TGM5: variants seen among roughly 807,000 people sequenced by gnomAD.
The protein encoded by TGM5 is protein-glutamine gamma-glutamyltransferase 5.
A neutral mutation model predicts 77.2 loss-of-function variants in TGM5; 69 were observed. The ratio of observed to expected loss-of-function variants is 0.89; its 90% CI spans 0.74 to 1.09. TGM5 has a LOEUF of 1.09. Among genes scored for constraint, TGM5 ranks in the 50% least tolerant of loss-of-function variants. The pLI, the probability that TGM5 is intolerant of heterozygous loss-of-function variation, is 0.00. For missense variants in TGM5, 842 were observed against 896.5 expected (o/e 0.94, Z 0.78); for synonymous variants, 346 against 351.8 (o/e 0.98, Z 0.18).
chr15:43,233,828 G>T, intron 11 of TGM5, 141 bp from the exon 12 acceptor site: 1 of 1,008,332 alleles, frequency 9.9e-7, no homozygotes. Flanking sequence ...TTGAGCCGAA[G>T]ACAATTGAGA....
rs890737545 is a variant in TGM5, at chr15:43,260,811, C to T, written c.11-232G>A. On this transcript the variant is annotated intron_variant, in intron 1 of 12. Coordinates refer to ENST00000220420, the MANE Select transcript of TGM5 (RefSeq NM_201631.4). ...TTTCCTTCCTCTCCTATCTCTCTGA[C>T]CCTCTATCTTCTTCTCCCTTACACC... 1.3e-5 allele frequency: 8 copies of T among 610,944 alleles called. No homozygotes were observed. In the Admixed American group the frequency reaches 1.7e-4, roughly 13 times the overall value. 37.8% of individuals were successfully genotyped at this position (610,944 alleles called of 1,614,324 possible).
chr15:43,249,133 G>C (rs183693593), intron 6 of TGM5, among the ~76,000 whole-genome samples: 318 of 152,122 alleles, frequency 2.1e-3, no homozygotes, highest in African/African-American at 7.4e-3. Flanking sequence ...ACCTGCTTAC[G>C]GTCACACATT....
rs2042586404 is a variant in TGM5, at chr15:43,235,829, G to A, written c.1354C>T (p.Gln452Ter). 6.2e-7 allele frequency: 1 copy of A among 1,613,892 alleles called. No homozygotes were observed. Among genetic ancestry groups the A allele is most frequent in the Non-Finnish European group, 8.5e-7 (1 of 1,180,016 alleles). The part of the protein sequence containing the change: ...ENYKYEEGSL[Q>*]ERQVFLKALQ... ...GCCTTCAGAAACACCTGCCTCTCCT[G>A]GAGGGATCCTGAAGTTGGGGAGAGC... The change falls in exon 10 of 13, where the codon CAG becomes TAG. Residue 452 changes from glutamine (Q) to a stop codon, truncating the protein, a stop_gained. Coordinates refer to ENST00000220420, the MANE Select transcript of TGM5 (RefSeq NM_201631.4). LOFTEE classifies it high-confidence loss of function.
At chr15:43,241,134 G>A in intron 6 of TGM5, 144 bp from the exon 7 acceptor site, 2 of 1,094,848 alleles carry the variant, frequency 1.8e-6, no homozygotes, top group Non-Finnish European at 2.7e-6. Context: ...CTGGAATAGT[G>A]ATATTTCCAA....
intron 2 of TGM5, 25 bp downstream of exon 2, chr15:43,260,375 C>T: frequency 6.2e-7 from 1 of 1,614,190 alleles, no homozygotes; most frequent in Non-Finnish European, 8.5e-7. Flanking sequence ...ACACACAGCC[C>T]CTGTGAGCCA....
intron 1 of TGM5, among the ~76,000 whole-genome samples, chr15:43,265,019 G>A (rs529524392): frequency 8.6e-5 from 13 of 151,138 alleles, no homozygotes; most frequent in African/African-American, 3.1e-4. Flanking sequence ...CACCCTGTAC[G>A]TATTTCAGAT....
chr15:43,260,151 C>A lies in TGM5; in HGVS notation c.337G>T (p.Gly113Cys), dbSNP rs112292549. The change falls in exon 3 of 13, where the codon GGT becomes TGT. Residue 113 changes from glycine to cysteine, a missense_variant. By Grantham distance (159) the Gly-to-Cys change is radical. Coordinates refer to ENST00000220420, the MANE Select transcript of TGM5 (RefSeq NM_201631.4). Reference sequence around the variant, plus strand: ...ATGTGGATTTTCAAGAGGTACCGACCCACGGCCGCCGTGGGAGGAGCGCAC... The same window carrying A: ...ATGTGGATTTTCAAGAGGTACCGACACACGGCCGCCGTGGGAGGAGCGCAC... The part of the protein sequence containing the change: ...SLCAPPTAAV[G>C]RYLLKIHIDS... 2.8e-3 allele frequency: 4,550 copies of A among 1,614,140 alleles called. 14 individuals are homozygous for A. Among genetic ancestry groups the A allele is most frequent in the Non-Finnish European group, 3.3e-3 (3,945 of 1,180,028 alleles).
intron 1 of TGM5, among the ~76,000 whole-genome samples, chr15:43,264,274 G>A (rs1437702131): frequency 2.0e-5 from 3 of 152,014 alleles, no homozygotes; most frequent in Admixed American, 6.6e-5. Flanking sequence ...CTAACAATTC[G>A]ATCCCCAGGT....
In TGM5 at chr15:43,232,961, GA is replaced by G. The variant is rs1339600308; in HGVS notation, c.*229del. 6 of 574,896 alleles carry G rather than the reference GA, an allele frequency of 1.0e-5. No homozygotes were observed. In the Admixed American group the frequency reaches 1.5e-4, roughly 15 times the overall value. 35.6% of individuals were successfully genotyped at this position (574,896 alleles called of 1,614,324 possible). On this transcript the variant is annotated 3_prime_UTR_variant, in exon 13 of 13. Transcript: ENST00000220420. Reference sequence around the variant, plus strand: ...TTTGTTGAGTGCCTAGCATATGCCAGAAATGGTTCTGAGTATAGGGGTAGTA... The same window carrying G: ...TTTGTTGAGTGCCTAGCATATGCCAGAATGGTTCTGAGTATAGGGGTAGTA...
rs916808193 is a variant in TGM5, at chr15:43,232,664, T to C, written c.*527A>G. The C allele has an allele frequency of 1.2e-5, 2 of 165,824 alleles. No homozygotes were observed. Among genetic ancestry groups the C allele is most frequent in the Non-Finnish European group, 2.6e-5 (2 of 75,610 alleles). 10.3% of individuals were successfully genotyped at this position (165,824 alleles called of 1,614,324 possible). ...GCAACAACAAAACAACAGTGAGCTG[T>C]TCAGCCTGTCTTTTTCTTTCCTGGA... is the stretch of plus-strand genomic sequence containing the variant. On this transcript the variant is annotated 3_prime_UTR_variant, in exon 13 of 13. Transcript: ENST00000220420.
intron 6 of TGM5, among the ~76,000 whole-genome samples, chr15:43,252,422 A>T (rs915956944): frequency 2.0e-5 from 3 of 152,014 alleles, no homozygotes; most frequent in African/African-American, 7.3e-5. Flanking sequence ...GGTTCAAGCA[A>T]TTCTCCTGCC....
intron 1 of TGM5, among the ~76,000 whole-genome samples, chr15:43,261,361 T>C (rs1185862896): frequency 1.3e-5 from 2 of 152,148 alleles, no homozygotes; most frequent in Non-Finnish European, 2.9e-5. Context: ...AGTGCTGGGA[T>C]TACAGGCGTG....
chr15:43,261,993 T>G (rs1055965261), intron 1 of TGM5, among the ~76,000 whole-genome samples: 18 of 152,222 alleles, frequency 1.2e-4, no homozygotes, highest in African/African-American at 4.3e-4. Context: ...CTTAGCTTAT[T>G]CTTGCATTCT....
At position 43,233,635 on chromosome 15, in the gene TGM5, G is replaced by C. The variant is rs972936522; in HGVS notation, c.1928C>G (p.Ser643Ter). ...CTCAACCTGCTCCGAGAGGGGGTTT[G>C]AAAATATCACCTGTATGGAGAGTGG... ...NQPLSIQVIF[S>*]NPLSEQVEDC... The change falls in exon 12 of 13, where the codon TCA (serine) becomes TGA (stop). Residue 643 changes from serine to a stop codon, truncating the protein, a stop_gained. Coordinates refer to ENST00000220420, the MANE Select transcript of TGM5 (RefSeq NM_201631.4). LOFTEE classifies it high-confidence loss of function. 1.2e-6 allele frequency: 2 copies of C among 1,614,174 alleles called. No individual in the cohort carries two copies. The highest frequency in any genetic ancestry group is 1.7e-6 in the Non-Finnish European group (2 of 1,180,028).
rs368075847 is a variant in TGM5, at chr15:43,239,163, C to G, written c.1105G>C (p.Gly369Arg). The part of the protein sequence containing the change: ...LDATPQEMSN[G>R]VYCCGPASVR... The stretch of plus-strand genomic sequence containing the variant: ...CTGCCTTTCTTCTGGAGAGCCTCAC[C>G]GTTGCTCATCTCCTGAGGTGTGGCG... The change falls in exon 8 of 13, where the codon GGC becomes CGC. Residue 369 changes from glycine (G) to arginine (R), a missense_variant and splice_region_variant. Around this residue, in one of 2 missense-constraint regions of TGM5, gnomAD observed 815 missense variants for 844.6 expected, o/e 0.96. Coordinates refer to ENST00000220420, the MANE Select transcript of TGM5 (RefSeq NM_201631.4). The G allele has an allele frequency of 6.2e-7, 1 of 1,614,088 alleles. No individual in the cohort carries two copies. Among genetic ancestry groups the G allele is most frequent in the South Asian group, 1.1e-5 (1 of 91,086 alleles).
chr15:43,242,190 CAGCT>C (rs1157188075), intron 6 of TGM5, among the ~76,000 whole-genome samples: 2 of 152,360 alleles, frequency 1.3e-5, no homozygotes, highest in East Asian at 3.9e-4. Context: ...CAAGGTCACA[CAGCT>C]AGTAAGAGGC....
Position 43,234,949 on chromosome 15 carries a change from A to T in TGM5, c.1715-20T>A, listed in dbSNP as rs569666972. On this transcript the variant is annotated intron_variant, in intron 10 of 12. Coordinates refer to ENST00000220420, the MANE Select transcript of TGM5 (RefSeq NM_201631.4). ...TCTTTGCTAAAGAAAGAACACAAGG[A>T]TGGGGTGAGAGTAGCTGAGAAAATC... 5 of 1,613,254 alleles carry T rather than the reference A, an allele frequency of 3.1e-6. No individual in the cohort carries two copies. In the African/African-American group the frequency reaches 6.7e-5, roughly 22 times the overall value.
intron 10 of TGM5, 94 bp from the exon 11 acceptor site, chr15:43,235,023 G>T: frequency 1.3e-6 from 2 of 1,481,860 alleles, no homozygotes; most frequent in Non-Finnish European, 1.9e-6. Context: ...AGAAGAGAAA[G>T]TCAACAAGTA....
At chr15:43,240,054 A>G (rs944585500) in intron 7 of TGM5, among the ~76,000 whole-genome samples, 3 of 152,152 alleles carry the variant, frequency 2.0e-5, no homozygotes, top group Non-Finnish European at 4.4e-5. Context: ...TCGCCTCCCC[A>G]AGGTGGGAAG....
Sources: allele counts gnomAD v4.1 joint callset (sites outside exome capture counted in the v4.1 genomes callset), GRCh38; gene constraint gnomAD v4.1.1; regional missense constraint gnomAD v4.1.1; transcripts MANE v1.5; gene names NCBI Gene and HGNC (gene_info 2026-07-23, HGNC 2026-07-21).